PCDH15: variants seen among roughly 807,000 people sequenced by gnomAD.
PCDH15 encodes the protein protocadherin related 15.
Under a neutral mutation model 178.5 loss-of-function variants are expected in PCDH15, and 129 were observed. The observed-to-expected ratio is 0.72, with a 90% CI of 0.63 to 0.84. The LOEUF (loss-of-function observed/expected upper bound fraction) is 0.84. Ranked by LOEUF, PCDH15 falls within the 40% of genes least tolerant of loss-of-function variation. The pLI, the probability that PCDH15 is intolerant of heterozygous loss-of-function variation, is 0.00. For synonymous variants in PCDH15, 800 were observed against 732.0 expected, an observed-to-expected ratio of 1.09 and a Z score of -1.50; for missense variants, 2,230 against 2,099.9, an observed-to-expected ratio of 1.06 and a Z score of -1.21.
chr10:55,083,024 A>C (rs1008874395), intron 2 of PCDH15, among the ~76,000 whole-genome samples: 6 of 151,964 alleles, frequency 3.9e-5, no homozygotes, highest in Non-Finnish European at 7.4e-5. Context: ...GAAAGAGTTC[A>C]GAATACTTCC....
chr10:54,894,888 CA>C (rs1954521291), intron 3 of PCDH15, among the ~76,000 whole-genome samples: 1 of 152,052 alleles, frequency 6.6e-6, no homozygotes. Flanking sequence ...AACTGAATAC[CA>C]AATGTAACCA....
intron 5 of PCDH15, among the ~76,000 whole-genome samples, chr10:54,352,801 C>T (rs1290120308): frequency 1.3e-5 from 2 of 152,116 alleles, no homozygotes; most frequent in African/African-American, 2.4e-5. Flanking sequence ...GATAAGGCAA[C>T]ATTCTGTACA....
chr10:55,058,293 C>A (rs1197849945), intron 2 of PCDH15, among the ~76,000 whole-genome samples: 2 of 152,108 alleles, frequency 1.3e-5, no homozygotes, highest in Admixed American at 6.6e-5. Flanking sequence ...ATGCTCTAAC[C>A]TCCACCTCCT....
chr10:54,879,319 T>C (rs1286389842), intron 3 of PCDH15, among the ~76,000 whole-genome samples: 1 of 152,118 alleles, frequency 6.6e-6, no homozygotes, highest in Non-Finnish European at 1.5e-5. Flanking sequence ...GTATATTTTA[T>C]GTATGCTCTA....
chr10:54,639,271 T>C (rs371113338), intron 2 of PCDH15, among the ~76,000 whole-genome samples: 59 of 152,278 alleles, frequency 3.9e-4, no homozygotes, highest in African/African-American at 1.4e-3. Context: ...AAGTTTGTAA[T>C]AATATTTTAA....
chr10:55,341,448 T>C (rs1844553127), intron 2 of PCDH15, among the ~76,000 whole-genome samples: 1 of 152,060 alleles, frequency 6.6e-6, no homozygotes, highest in Non-Finnish European at 1.5e-5. Context: ...AAAGTATTTA[T>C]TCAGTAATTG....
chr10:53,934,796 G>A (rs1477155715), intron 25 of PCDH15, among the ~76,000 whole-genome samples: 4 of 151,864 alleles, frequency 2.6e-5, no homozygotes, highest in African/African-American at 7.3e-5. Context: ...TCTCTTTTCC[G>A]GGCTGCTTTC....
chr10:55,058,245 C>A (rs1283818072), intron 2 of PCDH15, among the ~76,000 whole-genome samples: 1 of 151,928 alleles, frequency 6.6e-6, no homozygotes, highest in Non-Finnish European at 1.5e-5. Context: ...GGGTCTTTCT[C>A]TGTTTCCCTG....
intron 2 of PCDH15, among the ~76,000 whole-genome samples, chr10:55,477,756 T>A (rs144100695): frequency 5.7e-4 from 86 of 152,070 alleles, no homozygotes; most frequent in Admixed American, 9.2e-4. Context: ...CCTAGCACCA[T>A]GCTCAGGCCA....
At chr10:55,023,009 G>A (rs1009352890) in intron 2 of PCDH15, among the ~76,000 whole-genome samples, 16 of 144,958 alleles carry the variant, frequency 1.1e-4, no homozygotes, top group African/African-American at 3.3e-4. Context: ...TGGCTCCATC[G>A]CCGCTCACTG....
intron 2 of PCDH15, among the ~76,000 whole-genome samples, chr10:55,396,125 T>C (rs1244625781): frequency 6.6e-6 from 1 of 152,198 alleles, no homozygotes; most frequent in Non-Finnish European, 1.5e-5. Flanking sequence ...TTAGCATAAT[T>C]GATTTATTGC....
intron 13 of PCDH15, among the ~76,000 whole-genome samples, chr10:54,155,083 A>T (rs2044963098): frequency 6.6e-6 from 1 of 152,210 alleles, no homozygotes. Flanking sequence ...CACAAATTGG[A>T]TTCAATATTA....
intron 21 of PCDH15, among the ~76,000 whole-genome samples, chr10:53,987,561 A>G (rs1464384673): frequency 1.3e-5 from 2 of 152,232 alleles, no homozygotes; most frequent in Non-Finnish European, 1.5e-5. Context: ...AATTCTTCAA[A>G]GAAAATATAA....
At chr10:54,369,350 C>A in intron 4 of PCDH15, 75 bp from the exon 5 acceptor site, 2 of 1,274,110 alleles carry the variant, frequency 1.6e-6, no homozygotes, top group African/African-American at 1.5e-5. Context: ...AGCACTCGTT[C>A]ATTCAGTACA....
intron 1 of PCDH15, among the ~76,000 whole-genome samples, chr10:55,249,178 A>G (rs967353526): frequency 2.0e-5 from 3 of 152,228 alleles, no homozygotes; most frequent in Non-Finnish European, 4.4e-5. Context: ...GGAAAAGCAA[A>G]TGCAGTAGAG....
chr10:54,888,355 T>C (rs550812141), intron 3 of PCDH15, among the ~76,000 whole-genome samples: 9 of 152,178 alleles, frequency 5.9e-5, no homozygotes, highest in Admixed American at 1.3e-4. Context: ...ATCCGTGTGG[T>C]TAGGTATATC....
At chr10:55,059,884 T>A (rs189225274) in intron 2 of PCDH15, among the ~76,000 whole-genome samples, 99 of 152,116 alleles carry the variant, frequency 6.5e-4, no homozygotes, top group Non-Finnish European at 4.9e-4. Flanking sequence ...ATTATAGACA[T>A]AATTTTAAAT....
chr10:54,647,052 C>A (rs943819089), intron 2 of PCDH15, among the ~76,000 whole-genome samples: 3 of 152,076 alleles, frequency 2.0e-5, no homozygotes, highest in African/African-American at 7.2e-5. Flanking sequence ...GTTACTGCAG[C>A]ACTATTCACA....
chr10:53,903,420 A>G (rs750877439), intron 25 of PCDH15, 50 bp from the exon 26 acceptor site: 1 of 1,598,166 alleles, frequency 6.3e-7, no homozygotes, highest in East Asian at 2.2e-5. Flanking sequence ...TTCATGGGGG[A>G]AAAAATGCAC....
Sources: allele counts gnomAD v4.1 joint callset (sites outside exome capture counted in the v4.1 genomes callset), GRCh38; gene constraint gnomAD v4.1.1; transcripts MANE v1.5; gene names NCBI Gene and HGNC (gene_info 2026-07-23, HGNC 2026-07-21).